PXDNL: variants seen among roughly 807,000 people sequenced by gnomAD.
PXDNL encodes the protein peroxidasin like.
Under a neutral mutation model 150.8 loss-of-function variants are expected in PXDNL, and 145 were observed. The observed-to-expected ratio is 0.96, with a 90% CI of 0.84 to 1.10. PXDNL has a LOEUF of 1.10. PXDNL is among the 50% of genes least tolerant of loss of function. The pLI is 0.00. For synonymous variants in PXDNL, 757 were observed against 725.7 expected, an observed-to-expected ratio of 1.04 and a Z score of -0.69; for missense variants, 2,087 against 1,873.9, an observed-to-expected ratio of 1.11 and a Z score of -2.10.
chr8:51,605,869 T>C (rs79829892), intron 2 of PXDNL, among the ~76,000 whole-genome samples: 87 of 152,332 alleles, frequency 5.7e-4, no homozygotes, highest in Non-Finnish European at 9.4e-4. Flanking sequence ...GTGGCTTTGT[T>C]ATAAAAATGA....
intron 3 of PXDNL, among the ~76,000 whole-genome samples, chr8:51,580,393 A>G (rs528092095): frequency 6.6e-6 from 1 of 152,306 alleles, no homozygotes; most frequent in South Asian, 2.1e-4. Context: ...CATTTTATTT[A>G]AAAAATGTCT....
At chr8:51,579,226 C>T (rs1028448030) in intron 3 of PXDNL, among the ~76,000 whole-genome samples, 1 of 151,936 alleles carries the variant, frequency 6.6e-6, no homozygotes, top group Non-Finnish European at 1.5e-5. Context: ...GGACTAATCT[C>T]CAGAATATAT....
At chr8:51,482,545 G>A (rs150534177) in intron 6 of PXDNL, among the ~76,000 whole-genome samples, 97 of 152,242 alleles carry the variant, frequency 6.4e-4, no homozygotes, top group African/African-American at 2.0e-3. Context: ...AGGGGCCAGG[G>A]GCGGAATGAT....
chr8:51,402,400 T>C (rs1457351786), intron 17 of PXDNL, among the ~76,000 whole-genome samples: 2 of 152,004 alleles, frequency 1.3e-5, no homozygotes, highest in Admixed American at 1.3e-4. Context: ...GCACCTGTAA[T>C]CCCAGCTACT....
intron 3 of PXDNL, among the ~76,000 whole-genome samples, chr8:51,578,876 A>G (rs991609193): frequency 6.6e-6 from 1 of 152,026 alleles, no homozygotes; most frequent in African/African-American, 2.4e-5. Flanking sequence ...GCATCTTAAC[A>G]ACAGGTGCTG....
chr8:51,669,698 C>T (rs1462547140), intron 1 of PXDNL, among the ~76,000 whole-genome samples: 1 of 152,126 alleles, frequency 6.6e-6, no homozygotes, highest in Non-Finnish European at 1.5e-5. Flanking sequence ...AAATGACTAT[C>T]AAAAGCAAAA....
intron 8 of PXDNL, among the ~76,000 whole-genome samples, chr8:51,464,207 T>C (rs532462825): frequency 5.8e-4 from 88 of 151,968 alleles, no homozygotes; most frequent in African/African-American, 2.0e-3. Context: ...CTACAAAAAA[T>C]GAAAATATTA....
intron 21 of PXDNL, among the ~76,000 whole-genome samples, chr8:51,335,183 A>C (rs1805799544): frequency 6.6e-6 from 1 of 152,140 alleles, no homozygotes; most frequent in African/African-American, 2.4e-5. Context: ...TGATCTCCAT[A>C]TCTCTGTTTA....
chr8:51,459,122 G>A (rs1000718298), intron 8 of PXDNL, among the ~76,000 whole-genome samples: 1 of 152,198 alleles, frequency 6.6e-6, no homozygotes, highest in Non-Finnish European at 1.5e-5. Flanking sequence ...AGCATGAAAC[G>A]AACATCAGAA....
chr8:51,605,261 G>A (rs187792995), intron 2 of PXDNL, among the ~76,000 whole-genome samples: 3 of 152,206 alleles, frequency 2.0e-5, no homozygotes, highest in East Asian at 1.9e-4. Context: ...GAGTCAAGAT[G>A]AGAAACTATC....
At chr8:51,491,491 G>T (rs2130230751) in intron 5 of PXDNL, among the ~76,000 whole-genome samples, 1 of 152,282 alleles carries the variant, frequency 6.6e-6, no homozygotes, top group South Asian at 2.1e-4. Flanking sequence ...TAGACAATAG[G>T]AAAGAAACCA....
chr8:51,542,699 A>G (rs1215447213), intron 4 of PXDNL, among the ~76,000 whole-genome samples: 4 of 151,856 alleles, frequency 2.6e-5, no homozygotes, highest in Non-Finnish European at 5.9e-5. Flanking sequence ...AATCCCAGCT[A>G]CTCAGGAGGC....
chr8:51,330,151 T>A (rs543996426), intron 21 of PXDNL, among the ~76,000 whole-genome samples: 1 of 152,240 alleles, frequency 6.6e-6, no homozygotes, highest in East Asian at 1.9e-4. Flanking sequence ...GTCCACCAAT[T>A]CAAATGCTAA....
At chr8:51,665,842 A>G (rs1485985734) in intron 1 of PXDNL, among the ~76,000 whole-genome samples, 1 of 152,206 alleles carries the variant, frequency 6.6e-6, no homozygotes, top group Non-Finnish European at 1.5e-5. Flanking sequence ...TCAGATCTCC[A>G]TACACCAACC....
chr8:51,788,763 C>T (rs1398731413), intron 1 of PXDNL, among the ~76,000 whole-genome samples: 1 of 152,198 alleles, frequency 6.6e-6, no homozygotes, highest in East Asian at 1.9e-4. Flanking sequence ...TGTTCTTGGC[C>T]TTGGTTCAGC....
intron 1 of PXDNL, among the ~76,000 whole-genome samples, chr8:51,711,828 G>T (rs1392171528): frequency 1.3e-5 from 2 of 152,192 alleles, no homozygotes; most frequent in East Asian, 1.9e-4. Context: ...AGGCATATCT[G>T]ACTGTCCTTA....
At chr8:51,666,622 G>T (rs752331501) in intron 1 of PXDNL, among the ~76,000 whole-genome samples, 10 of 152,002 alleles carry the variant, frequency 6.6e-5, no homozygotes, top group Non-Finnish European at 1.5e-4. Context: ...CTTAAAAAAT[G>T]CTTCTCTTCT....
chr8:51,541,153 G>A (rs1471276341), intron 4 of PXDNL, among the ~76,000 whole-genome samples: 1 of 151,694 alleles, frequency 6.6e-6, no homozygotes, highest in Non-Finnish European at 1.5e-5. Context: ...AGCTACTCAG[G>A]AGGCTGAGGC....
At chr8:51,687,915 C>T (rs1485828433) in intron 1 of PXDNL, among the ~76,000 whole-genome samples, 5 of 152,134 alleles carry the variant, frequency 3.3e-5, no homozygotes, top group Admixed American at 2.6e-4. Context: ...CAGCATATTT[C>T]CAGCATGAAG....
Sources: gnomAD v4.1 joint callset for allele counts (sites outside exome capture counted in the v4.1 genomes callset) on GRCh38, gnomAD v4.1.1 for gene constraint, MANE v1.5 for transcripts, NCBI Gene and HGNC (gene_info 2026-07-23, HGNC 2026-07-21) for gene names.